RBFOX1: variants seen among roughly 807,000 people sequenced by gnomAD.
The protein encoded by RBFOX1 is RNA binding protein fox-1 homolog 1.
Under a neutral mutation model 57.7 loss-of-function variants are expected in RBFOX1, and 8 were observed. The observed-to-expected ratio is 0.14, with a 90% confidence interval of 0.08 to 0.25. RBFOX1 has a LOEUF of 0.25. Among genes scored for constraint, RBFOX1 ranks in the 10% least tolerant of loss-of-function variants. The pLI, the probability that RBFOX1 is intolerant of heterozygous loss-of-function variation, is 1.00. For synonymous variants in RBFOX1, 326 were observed against 222.4 expected (o/e 1.47, Z -4.15); for missense variants, 611 against 548.5 (o/e 1.11, Z -1.14).
intron 4 of RBFOX1, among the ~76,000 whole-genome samples, chr16:7,479,842 C>T (rs367882485): frequency 2.0e-5 from 3 of 152,088 alleles, no homozygotes; most frequent in East Asian, 1.9e-4. Flanking sequence ...CCAGAACATC[C>T]CTCAATAATT....
At chr16:5,864,593 A>T (rs892700008) in intron 3 of RBFOX1, among the ~76,000 whole-genome samples, 3 of 151,524 alleles carry the variant, frequency 2.0e-5, no homozygotes, top group Admixed American at 2.0e-4. Flanking sequence ...ACTTTTCTGA[A>T]TGTTTCGTTT....
rs181602964 is a variant in RBFOX1 at position 6,962,811 on chromosome 16, G to C, written c.-15-89246G>C. 2.0e-4 allele frequency among the ~76,000 whole-genome samples: 31 copies of C among 152,058 alleles called. No individual in the cohort carries two copies. In the East Asian group the frequency reaches 5.6e-3, roughly 28 times the overall value. On this transcript the variant is annotated intron_variant, in intron 3 of 15. Transcript: ENST00000550418. ...GCCCAGGAGATGGAGGCTGCAGTGA[G>C]CTGTGATCATGCCACTGCACTCCAG...
At chr16:5,553,699 G>GTATATATATGTATACATA (rs2045558794) in intron 2 of RBFOX1, among the ~76,000 whole-genome samples, 1 of 61,100 alleles carries the variant, frequency 1.6e-5, no homozygotes, top group Admixed American at 2.0e-4. Flanking sequence ...ACATATATAT[G>GTATATATATGTATACATA]TATATATATG....
At chr16:5,675,816 A>C (rs1596701499) in intron 3 of RBFOX1, among the ~76,000 whole-genome samples, 1 of 152,038 alleles carries the variant, frequency 6.6e-6, no homozygotes, top group Non-Finnish European at 1.5e-5. Context: ...CAGCTCCTGG[A>C]AGTTGCAGCA....
At chr16:7,154,707 G>C (rs1008095199) in intron 4 of RBFOX1, among the ~76,000 whole-genome samples, 1 of 149,332 alleles carries the variant, frequency 6.7e-6, no homozygotes, top group Non-Finnish European at 1.5e-5. Context: ...GTGTGTGTGT[G>C]TGTGTGTGTG....
At chr16:7,432,728 GC>G (rs1311891753) in intron 4 of RBFOX1, among the ~76,000 whole-genome samples, 2 of 152,200 alleles carry the variant, frequency 1.3e-5, no homozygotes, top group Non-Finnish European at 2.9e-5. Context: ...TAGTTTGAGA[GC>G]CCTGTCCTAG....
intron 4 of RBFOX1, among the ~76,000 whole-genome samples, chr16:7,070,103 A>T (rs569633565): frequency 6.6e-6 from 1 of 152,230 alleles, no homozygotes; most frequent in South Asian, 2.1e-4. Flanking sequence ...TTCTTGGATT[A>T]TTGAATAGGT....
intron 4 of RBFOX1, among the ~76,000 whole-genome samples, chr16:5,962,162 C>G (rs1368076277): frequency 6.6e-6 from 1 of 152,196 alleles, no homozygotes; most frequent in Non-Finnish European, 1.5e-5. Context: ...AGAGATCTCA[C>G]ATCATACTTA....
At chr16:6,967,469 G>C (rs553832066) in intron 3 of RBFOX1, among the ~76,000 whole-genome samples, 90 of 152,284 alleles carry the variant, frequency 5.9e-4, no homozygotes, top group African/African-American at 2.1e-3. Context: ...GGGGGCAGTG[G>C]ATAGGATAGG....
chr16:6,621,529 CA>C (rs1567920705), intron 2 of RBFOX1, among the ~76,000 whole-genome samples: 1 of 152,174 alleles, frequency 6.6e-6, no homozygotes, highest in Non-Finnish European at 1.5e-5. Context: ...TACCCTAAAT[CA>C]AAAATCTCAA....
At chr16:6,591,841 A>T (rs141348866) in intron 2 of RBFOX1, among the ~76,000 whole-genome samples, 41 of 152,250 alleles carry the variant, frequency 2.7e-4, no homozygotes, top group African/African-American at 8.7e-4. Context: ...CGTCTTTTAC[A>T]TGAAGGAACC....
Position 5,574,390 on chromosome 16 carries a change from T to A in RBFOX1, c.259-24512T>A, listed in dbSNP as rs570153072. On this transcript the variant is annotated intron_variant, in intron 2 of 2. Transcript: ENST00000585867. The stretch of plus-strand genomic sequence containing the variant: ...CTTGCCACATCTCAATAACTGCTTT[T>A]GTTTTATAAATTAGGAAAATTGTTA... 2.6e-5 allele frequency among the ~76,000 whole-genome samples: 4 copies of A among 151,726 alleles called. No homozygotes were observed. The South Asian group carries it at 8.4e-4, about 32-fold the overall frequency.
intron 4 of RBFOX1, among the ~76,000 whole-genome samples, chr16:7,488,447 T>C (rs528814865): frequency 2.4e-3 from 358 of 146,724 alleles, no homozygotes; most frequent in Non-Finnish European, 4.4e-3. Flanking sequence ...CTTTCGTTGT[T>C]TGTCTATCAT....
rs568947157 is a variant in RBFOX1 at position 5,458,532 on chromosome 16, T to G, written c.220-8684T>G. Among the ~76,000 whole-genome samples the G allele has an allele frequency of 3.9e-5, 6 of 152,340 alleles. No individual in the cohort carries two copies. The South Asian group carries it at 1.2e-3, about 32-fold the overall frequency. On this transcript the variant is annotated intron_variant, in intron 1 of 2. Coordinates refer to the RBFOX1 transcript ENST00000585867. ...AGATAAATGAATCAGGTACAGTTATTATTTTGCCTTACATAGGTGAAAACT... is the reference window on the plus strand; with the variant it reads ...AGATAAATGAATCAGGTACAGTTATGATTTTGCCTTACATAGGTGAAAACT...
intron 9 of RBFOX1, among the ~76,000 whole-genome samples, chr16:7,606,869 T>C (rs958852723): frequency 7.2e-5 from 11 of 152,254 alleles, no homozygotes; most frequent in African/African-American, 2.7e-4. Flanking sequence ...AATATATTGC[T>C]GCCAAGAATT....
At chr16:6,655,674 C>T (rs8057768) in intron 3 of RBFOX1, among the ~76,000 whole-genome samples, 60,102 of 151,954 alleles carry the variant, frequency 0.4, 13,052 homozygotes, top group South Asian at 0.52. Context: ...TCAGATTTTA[C>T]CCTGTGTATG....
chr16:7,292,004 G>T (rs12446584), intron 4 of RBFOX1, among the ~76,000 whole-genome samples: 4 of 62,206 alleles, frequency 6.4e-5, no homozygotes, highest in Admixed American at 1.8e-4. Flanking sequence ...TGTATTATAT[G>T]TATTATATAT....
chr16:7,610,543 G>T (rs1043839825), intron 10 of RBFOX1, among the ~76,000 whole-genome samples: 1 of 152,108 alleles, frequency 6.6e-6, no homozygotes, highest in Non-Finnish European at 1.5e-5. Context: ...AGTGTTACAT[G>T]ACAAATCTGA....
At chr16:5,732,892 T>C (rs2052432922) in intron 3 of RBFOX1, among the ~76,000 whole-genome samples, 1 of 152,066 alleles carries the variant, frequency 6.6e-6, no homozygotes, top group Non-Finnish European at 1.5e-5. Context: ...AAATAAAAAA[T>C]TGCACGAGGC....
Sources: allele counts gnomAD v4.1 joint callset (sites outside exome capture counted in the v4.1 genomes callset), GRCh38; gene constraint gnomAD v4.1.1; transcripts MANE v1.5; gene names NCBI Gene and HGNC (gene_info 2026-07-23, HGNC 2026-07-21).